The following SEMA3A variants were observed in gnomAD, a reference collection of about 807,000 sequenced individuals.
The protein encoded by SEMA3A is semaphorin-3A.
SEMA3A carries 29 observed loss-of-function variants against 97.9 expected under a neutral mutation model. That is an observed-to-expected ratio of 0.30 (90% CI 0.22 to 0.40). The LOEUF (loss-of-function observed/expected upper bound fraction) is 0.40. Among genes scored for constraint, SEMA3A ranks in the 10% least tolerant of loss-of-function variants. SEMA3A has a pLI of 1.00. For missense variants in SEMA3A, 763 were observed against 951.3 expected, an observed-to-expected ratio of 0.80 and a Z score of 2.60; for synonymous variants, 321 against 323.7, an observed-to-expected ratio of 0.99 and a Z score of 0.09.
chr7:84,097,987 A>C (rs1794828017), intron 4 of SEMA3A, among the ~76,000 whole-genome samples: 1 of 152,104 alleles, frequency 6.6e-6, no homozygotes, highest in Non-Finnish European at 1.5e-5. Flanking sequence ...AAAAAAATGT[A>C]ATATTTCAAC....
chr7:84,151,742 A>G (rs1796679010), intron 1 of SEMA3A, among the ~76,000 whole-genome samples: 1 of 152,156 alleles, frequency 6.6e-6, no homozygotes, highest in Admixed American at 6.5e-5. Flanking sequence ...AGAAACTACC[A>G]TCAGAGTGAA....
At chr7:84,150,700 C>G (rs1033088646) in intron 1 of SEMA3A, among the ~76,000 whole-genome samples, 1 of 152,098 alleles carries the variant, frequency 6.6e-6, no homozygotes, top group Non-Finnish European at 1.5e-5. Flanking sequence ...ATTAGGTAAA[C>G]AAAGCAGCTG....
At chr7:84,372,412 AGG>A (rs1177359753) in intron 1 of SEMA3A, 1 of 152,090 alleles carries the variant, frequency 6.6e-6, no homozygotes, top group East Asian at 1.9e-4. Context: ...TTAAACTTAA[AGG>A]CTTAGTGTTT....
chr7:84,255,121 A>G (rs1799690319), intron 3 of SEMA3A, among the ~76,000 whole-genome samples: 1 of 152,142 alleles, frequency 6.6e-6, no homozygotes, highest in Non-Finnish European at 1.5e-5. Context: ...ATACCTGGCT[A>G]TATGTATGAG....
intron 3 of SEMA3A, among the ~76,000 whole-genome samples, chr7:84,216,015 T>C (rs77412063): frequency 0.02 from 3,093 of 152,270 alleles, 110 homozygotes; most frequent in African/African-American, 0.07. Flanking sequence ...CTATTAAGGA[T>C]GATCTTTTTG....
chr7:84,067,788 G>C (rs60429252), intron 4 of SEMA3A, among the ~76,000 whole-genome samples: 11,646 of 149,600 alleles, frequency 0.078, 728 homozygotes, highest in African/African-American at 0.18. Flanking sequence ...TGCTGGAGAG[G>C]ATGTGGAGAA....
chr7:84,196,425 T>C (rs538034447), upstream of SEMA3A, among the ~76,000 whole-genome samples: 40 of 151,866 alleles, frequency 2.6e-4, no homozygotes, highest in South Asian at 7.3e-3. Context: ...TGTGTGAATG[T>C]AGGTGGAGAA....
chr7:83,977,860 G>C (rs1392660151), intron 14 of SEMA3A, among the ~76,000 whole-genome samples: 2 of 147,788 alleles, frequency 1.4e-5, no homozygotes, highest in Non-Finnish European at 3.0e-5. Context: ...CTGAAGTGCA[G>C]TGGCGTGATC....
At chr7:84,362,765 A>G (rs939008234) in intron 2 of SEMA3A, among the ~76,000 whole-genome samples, 1 of 151,984 alleles carries the variant, frequency 6.6e-6, no homozygotes, top group African/African-American at 2.4e-5. Flanking sequence ...GATGTATGTA[A>G]GAGTATGGGA....
chr7:84,334,018 A>G (rs1485110247), intron 2 of SEMA3A, among the ~76,000 whole-genome samples: 1 of 152,134 alleles, frequency 6.6e-6, no homozygotes, highest in Non-Finnish European at 1.5e-5. Context: ...GTATATATCC[A>G]TGTTTCATTT....
Position 84,163,534 on chromosome 7 carries a change from C to T in SEMA3A, c.113-28583G>A, listed in dbSNP as rs143324606. 3.8e-3 allele frequency among the ~76,000 whole-genome samples: 581 copies of T among 152,090 alleles called. 4 individuals are homozygous for T. The highest frequency in any genetic ancestry group is 0.013 in the African/African-American group (552 of 41,492). On this transcript the variant is annotated intron_variant, in intron 1 of 16. Coordinates refer to ENST00000265362, the MANE Select transcript of SEMA3A (RefSeq NM_006080.3). ...AATAATGTGCACATTCTGATATCAA[C>T]GACGCATAGAAATACCTTGAACAAA...
At chr7:83,975,967 T>G (rs1341044568) in intron 15 of SEMA3A, among the ~76,000 whole-genome samples, 3 of 152,184 alleles carry the variant, frequency 2.0e-5, no homozygotes, top group Non-Finnish European at 2.9e-5. Flanking sequence ...TCCAGTTTTG[T>G]GGTCTCTTTC....
chr7:84,373,837 C>A (rs975591037), intron 1 of SEMA3A, among the ~76,000 whole-genome samples: 1 of 152,098 alleles, frequency 6.6e-6, no homozygotes, highest in African/African-American at 2.4e-5. Flanking sequence ...AAAGTGAGTA[C>A]TAACATTTTC....
chr7:84,160,212 A>C lies in SEMA3A; in HGVS notation c.113-25261T>G, dbSNP rs988712622. On this transcript the variant is annotated intron_variant, in intron 1 of 16. Transcript: ENST00000265362. ...AGACTATTTAGTGAGATTAAAAAAA[A>C]CTATCAATCTGTCTATCTATCTATC... Among the ~76,000 whole-genome samples the C allele has an allele frequency of 3.3e-5, 5 of 150,094 alleles. No homozygotes were observed. The Admixed American group carries it at 3.4e-4, about 10-fold the overall frequency.
At chr7:84,238,433 G>A (rs1799285074) in intron 3 of SEMA3A, among the ~76,000 whole-genome samples, 1 of 152,026 alleles carries the variant, frequency 6.6e-6, no homozygotes, top group African/African-American at 2.4e-5. Flanking sequence ...CACAGTGGAA[G>A]TCTACACCAC....
intron 1 of SEMA3A, among the ~76,000 whole-genome samples, chr7:84,167,442 AGT>A (rs1562826826): frequency 6.6e-6 from 1 of 152,214 alleles, no homozygotes; most frequent in Non-Finnish European, 1.5e-5. Flanking sequence ...AACTCTTTTC[AGT>A]AGTAGAAACA....
intron 3 of SEMA3A, among the ~76,000 whole-genome samples, chr7:84,264,235 A>T (rs928169377): frequency 3.9e-5 from 6 of 152,226 alleles, no homozygotes; most frequent in African/African-American, 1.4e-4. Flanking sequence ...TACTTTAGAA[A>T]ATTTAACCCG....
chr7:84,029,307 C>A (rs1427063109), intron 6 of SEMA3A, among the ~76,000 whole-genome samples: 1 of 151,902 alleles, frequency 6.6e-6, no homozygotes, highest in East Asian at 1.9e-4. Context: ...TAATTATGTG[C>A]CTTTAAAAAA....
intron 1 of SEMA3A, among the ~76,000 whole-genome samples, chr7:84,167,334 C>T (rs905771111): frequency 1.3e-5 from 2 of 152,104 alleles, no homozygotes; most frequent in Non-Finnish European, 2.9e-5. Flanking sequence ...TAGTTCCTGG[C>T]CATGTTTTAT....
Sources: gnomAD v4.1 joint callset for allele counts (sites outside exome capture counted in the v4.1 genomes callset) on GRCh38, gnomAD v4.1.1 for gene constraint, MANE v1.5 for transcripts, NCBI Gene and HGNC (gene_info 2026-07-23, HGNC 2026-07-21) for gene names.